The following ALS2CL variants were observed in gnomAD, a reference collection of about 807,000 sequenced individuals.
ALS2CL encodes ALS2 C-terminal-like protein.
In ALS2CL, 112 loss-of-function variants were observed where a neutral mutation model predicts 127.9. The ratio of observed to expected loss-of-function variants is 0.88; its 90% CI spans 0.75 to 1.02. The LOEUF (loss-of-function observed/expected upper bound fraction) is 1.02. ALS2CL is among the 50% of genes least tolerant of loss of function. The pLI, the probability that ALS2CL is intolerant of heterozygous loss-of-function variation, is 0.00. For missense variants in ALS2CL, 1,174 were observed against 1,236.7 expected (o/e 0.95, Z 0.76); for synonymous variants, 519 against 527.6 (o/e 0.98, Z 0.22).
At chr3:46,683,640 G>A (rs1484559530) in intron 9 of ALS2CL, 142 bp downstream of exon 9, 15 of 1,077,452 alleles carry the variant, frequency 1.4e-5, no homozygotes, top group Admixed American at 3.6e-5. Flanking sequence ...TCTTGACCCC[G>A]ATTTACTCTG....
rs1176458542 is a variant in ALS2CL, at chr3:46,686,654, T to C, written c.535-215A>G. ...ACGTGTCCTCATTCCCAGGACGTGA[T>C]TCTACCCCTGCTCTCTGGGTCTCTG... On this transcript the variant is annotated intron_variant, in intron 5 of 25. Transcript: ENST00000318962. The surrounding 1 kb of genome is among the most constrained non-coding windows in gnomAD (Gnocchi z 4.3). 1.3e-5 allele frequency among the ~76,000 whole-genome samples: 2 copies of C among 152,094 alleles called. No individual in the cohort carries two copies. Among genetic ancestry groups the C allele is most frequent in the African/African-American group, 4.8e-5 (2 of 41,396 alleles).
At position 46,687,006 on chromosome 3, in the gene ALS2CL, TCAG is replaced by T. The variant is rs1481565742; in HGVS notation, c.508_510del (p.Leu170del). The T allele has an allele frequency of 6.2e-7, 1 of 1,600,788 alleles. No individual in the cohort carries two copies. Among genetic ancestry groups the T allele is most frequent in the South Asian group, 1.1e-5 (1 of 90,042 alleles). On this transcript the variant is annotated inframe_deletion, in exon 5 of 26. Transcript: ENST00000318962. ...ACCTCCCCAATGGTGTCCCCGAGGC[TCAG>T]CAGGAGGAGCACGTACTGTTGCACG... is the stretch of plus-strand genomic sequence containing the variant.
intron 7 of ALS2CL, 132 bp downstream of exon 7, chr3:46,685,393 C>T (rs560970124): frequency 7.6e-6 from 11 of 1,443,248 alleles, no homozygotes; most frequent in Non-Finnish European, 1.0e-5. Flanking sequence ...CAACACAACG[C>T]CTTTCTATCC....
At chr3:46,673,501 G>A in intron 21 of ALS2CL, 120 bp from the exon 22 acceptor site, 1 of 1,052,182 alleles carries the variant, frequency 9.5e-7, no homozygotes, top group Non-Finnish European at 1.4e-6. Context: ...AAAAGGGGAA[G>A]GAGATCAGCC....
Position 46,677,042 on chromosome 3 carries a change from T to TG in ALS2CL, c.1758-21dup. 6.3e-7 allele frequency: 1 copy of TG among 1,582,110 alleles called. No individual in the cohort carries two copies. Among genetic ancestry groups the TG allele is most frequent in the Non-Finnish European group, 8.6e-7 (1 of 1,165,452 alleles). ...AGCTGCCTGCGATGGGGATGGAGGG[T>TG]GGGTGATGGGGCAGAGAGAGATGGA... On this transcript the variant is annotated intron_variant, in intron 16 of 25. Transcript: ENST00000318962.
chr3:46,689,470 G>A lies in ALS2CL; in HGVS notation c.-25-5C>T, dbSNP rs755235995. 10 of 1,563,018 alleles carry A rather than the reference G, an allele frequency of 6.4e-6. No homozygotes were observed. Among genetic ancestry groups the A allele is most frequent in the Non-Finnish European group, 8.7e-6 (10 of 1,151,008 alleles). On this transcript the variant is annotated splice_region_variant and splice_polypyrimidine_tract_variant and intron_variant, in intron 1 of 25. Coordinates refer to ENST00000318962, the MANE Select transcript of ALS2CL (RefSeq NM_147129.5). ...AGGTGCCGGACTCAGGGCCTCCTAG[G>A]TAGGGCACAGGTTACAGCTAGATAG...
chr3:46,673,188 G>A (rs971835313), intron 22 of ALS2CL, 151 bp downstream of exon 22: 3 of 764,860 alleles, frequency 3.9e-6, no homozygotes, highest in African/African-American at 1.8e-5. Flanking sequence ...CACCACACTG[G>A]GAGGTCAGAA....
chr3:46,675,886 T>C lies in ALS2CL; in HGVS notation c.2187-200A>G, dbSNP rs547900641. On this transcript the variant is annotated intron_variant, in intron 19 of 25. Transcript: ENST00000318962. ...GAGAATCCAGCAGCAGAAGGAACTA[T>C]AGCATCTAAGGCTTCTATTTGCAGT... is the stretch of plus-strand genomic sequence containing the variant. 6 of 1,443,032 alleles carry C rather than the reference T, an allele frequency of 4.2e-6. No individual in the cohort carries two copies. In the Admixed American group the frequency reaches 8.0e-5, roughly 19 times the overall value. 89.4% of individuals were successfully genotyped at this position (1,443,032 alleles called of 1,614,324 possible).
chr3:46,673,296 A>G, intron 22 of ALS2CL, 43 bp downstream of exon 22: 1 of 1,522,310 alleles, frequency 6.6e-7, no homozygotes, highest in Middle Eastern at 1.8e-4. Flanking sequence ...AGCCTGCAGG[A>G]CCTCTGGGGG....
rs1699384655 is a variant in ALS2CL at position 46,681,955 on chromosome 3, G to C, written c.1175+74C>G. The C allele has an allele frequency of 1.5e-5, 23 of 1,525,768 alleles. 1 individual carries two copies. In the East Asian group the frequency reaches 5.3e-4, roughly 35 times the overall value. 94.5% of individuals were successfully genotyped at this position (1,525,768 alleles called of 1,614,324 possible). On this transcript the variant is annotated intron_variant, in intron 11 of 25. Transcript: ENST00000318962. The surrounding 1 kb of genome is among the most constrained non-coding windows in gnomAD (Gnocchi z 4.9). ...GGGAATTCAGGATGGGGCCGGGCTG[G>C]TGACCACAGCAGGGGAGGAAAGCAC...
At position 46,676,292 on chromosome 3, in the gene ALS2CL, G is replaced by A. The variant is rs750786003; in HGVS notation, c.2139C>T (p.Ala713=). The A allele has an allele frequency of 1.9e-6, 3 of 1,613,642 alleles. No homozygotes were observed. The highest frequency in any genetic ancestry group is 2.2e-5 in the South Asian group (2 of 91,058). The stretch of plus-strand genomic sequence containing the variant: ...GGGCATGCTGCTTCACCTCCTCCTG[G>A]GCCAGCTCCTGCAGGTGCTTGTTGG... ...VGANKHLQEL[A]QEEVKQHAQE... The change falls in exon 19 of 26, where the codon GCC becomes GCT. Residue 713 remains alanine (A), a synonymous_variant. Transcript: ENST00000318962.
chr3:46,681,283 G>A lies in ALS2CL; in HGVS notation c.1399C>T (p.Gln467Ter). 1.9e-6 allele frequency: 3 copies of A among 1,613,958 alleles called. No homozygotes were observed. The highest frequency in any genetic ancestry group is 2.5e-6 in the Non-Finnish European group (3 of 1,179,966). The change falls in exon 13 of 26, where the codon CAG (glutamine) becomes TAG (stop). Residue 467 changes from glutamine (Q) to a stop codon, truncating the protein, a stop_gained. Transcript: ENST00000318962. LOFTEE classifies it high-confidence loss of function. The surrounding 1 kb of genome is among the most constrained non-coding windows in gnomAD (Gnocchi z 4.9). Reference protein sequence around the residue: ...FRYTGHWERGQRSGYGIEEDG... With the variant: ...FRYTGHWERG ...TCCTCAATGCCATAGCCGCTCCTCT[G>A]GCCCCTCTCCCAGTGGCCCGTGTAC...
chr3:46,674,669 A>G lies in ALS2CL; in HGVS notation c.2326T>C (p.Tyr776His). The G allele has an allele frequency of 6.2e-7, 1 of 1,614,154 alleles. No homozygotes were observed. Residue 776 changes from tyrosine (Y) to histidine (H), a missense_variant, in exon 21 of 26, where the codon TAC becomes CAC. Coordinates refer to ENST00000318962, the MANE Select transcript of ALS2CL (RefSeq NM_147129.5). Reference protein sequence around the residue: ...PSFYSELFTLYLLLHEREDSF... With the variant: ...PSFYSELFTLHLLLHEREDSF... ...TCCTCCCGCTCATGAAGCAGCAGGT[A>G]GAGCGTGAAGAGCTCTGAGTAGAAG... is the stretch of plus-strand genomic sequence containing the variant.
chr3:46,674,939 A>G (rs1416949923), intron 20 of ALS2CL, 200 bp from the exon 21 acceptor site: 1 of 486,950 alleles, frequency 2.1e-6, no homozygotes, highest in Non-Finnish European at 3.5e-6. Context: ...CCCTCCTTTG[A>G]CTTTGACAAC....
At chr3:46,680,268 T>A in intron 14 of ALS2CL, 162 bp downstream of exon 14, 1 of 678,826 alleles carries the variant, frequency 1.5e-6, no homozygotes, top group Non-Finnish European at 2.5e-6. Context: ...CCAGGGGAGG[T>A]GGGTGGTAGA....
chr3:46,681,099 C>T lies in ALS2CL; in HGVS notation c.1436+147G>A, dbSNP rs769121555. 2.2e-5 allele frequency: 29 copies of T among 1,314,498 alleles called. No individual in the cohort carries two copies. Among genetic ancestry groups the T allele is most frequent in the East Asian group, 4.6e-5 (2 of 43,140 alleles). The allele number at this position is 1,314,498 out of a possible 1,614,324, so 81.4% of individuals were successfully genotyped here. ...CCAAGATTCGCTCAGCCTGAGCCTC[C>T]GCAGCAACCGAGGGACTGGAGGGGA... On this transcript the variant is annotated intron_variant, in intron 13 of 25. Coordinates refer to ENST00000318962, the MANE Select transcript of ALS2CL (RefSeq NM_147129.5). The surrounding 1 kb of genome is among the most constrained non-coding windows in gnomAD (Gnocchi z 4.9).
Position 46,686,917 on chromosome 3 carries a change from CCT to C in ALS2CL, c.534+64_534+65del. The C allele has an allele frequency of 6.9e-7, 1 of 1,459,510 alleles. No homozygotes were observed. 90.4% of individuals were successfully genotyped at this position (1,459,510 alleles called of 1,614,324 possible). On this transcript the variant is annotated intron_variant, in intron 5 of 25. Transcript: ENST00000318962. This position sits in a 1 kb window ranked among gnomAD's most constrained non-coding sequence, Gnocchi z 4.3. Reference sequence around the variant, plus strand: ...GGGTTCCTGAGTATAGGCTGAGCCCCCTGAGTCTGGGCCCTATCCCTCCCTTC... The same window carrying C: ...GGGTTCCTGAGTATAGGCTGAGCCCCGAGTCTGGGCCCTATCCCTCCCTTC...
rs1239953636 is a variant in ALS2CL, at chr3:46,679,207, C to T, written c.1626+3G>A. 7.1e-6 allele frequency: 11 copies of T among 1,559,820 alleles called. No individual in the cohort carries two copies. Among genetic ancestry groups the T allele is most frequent in the South Asian group, 2.4e-5 (2 of 84,348 alleles). ...TGTGGAGGGGGGCCTCAGTGGTCCT[C>T]ACCTTCCCCATGAGGGTCAGGTCCC... On this transcript the variant is annotated splice_donor_region_variant and intron_variant, in intron 15 of 25. Coordinates refer to ENST00000318962, the MANE Select transcript of ALS2CL (RefSeq NM_147129.5).
At position 46,679,194 on chromosome 3, in the gene ALS2CL, C is replaced by T; in HGVS notation, c.1626+16G>A. The T allele has an allele frequency of 6.4e-7, 1 of 1,551,784 alleles. No homozygotes were observed. The highest frequency in any genetic ancestry group is 1.2e-5 in the South Asian group (1 of 83,824). The stretch of plus-strand genomic sequence containing the variant: ...GGCCTTGGCAGGGTGTGGAGGGGGG[C>T]CTCAGTGGTCCTCACCTTCCCCATG... On this transcript the variant is annotated intron_variant, in intron 15 of 25. Coordinates refer to ENST00000318962, the MANE Select transcript of ALS2CL (RefSeq NM_147129.5).
Sources: allele counts gnomAD v4.1 joint callset (sites outside exome capture counted in the v4.1 genomes callset), GRCh38; gene constraint gnomAD v4.1.1; non-coding constraint Gnocchi (gnomAD v3.1); transcripts MANE v1.5; gene names NCBI Gene and HGNC (gene_info 2026-07-23, HGNC 2026-07-21).